Variants in SMS observed in about 807,000 individuals in gnomAD.
SMS encodes the protein spermidine aminopropyltransferase.
A neutral mutation model predicts 33.0 loss-of-function variants in SMS; 3 were observed. The observed-to-expected ratio is 0.09, with a 90% CI of 0.04 to 0.23. SMS has a LOEUF of 0.23. Ranked by LOEUF, SMS falls within the 10% of genes least tolerant of loss-of-function variation. SMS has a pLI of 1.00. For synonymous variants in SMS, 103 were observed against 112.2 expected, an observed-to-expected ratio of 0.92 and a Z score of 0.52; for missense variants, 117 against 288.6, an observed-to-expected ratio of 0.41 and a Z score of 4.31.
intron 1 of SMS, among the ~76,000 whole-genome samples, chrX:21,958,702 G>A (rs1392140856): frequency 8.9e-6 from 1 of 112,117 alleles, no homozygotes; most frequent in Non-Finnish European, 1.9e-5. Context: ...TTGAGGTAAA[G>A]TTTTGCTCTT....
intron 1 of SMS, among the ~76,000 whole-genome samples, chrX:21,952,324 G>A (rs1922657718): frequency 1.8e-5 from 2 of 110,821 alleles, no homozygotes; most frequent in South Asian, 3.7e-4. Context: ...TCTTGAATGA[G>A]TGTTGGATTT....
intron 9 of SMS, among the ~76,000 whole-genome samples, 160 bp downstream of exon 9, chrX:21,985,383 T>TGGGAATTAAA (rs1333018439): frequency 8.9e-6 from 1 of 112,138 alleles, no homozygotes. Flanking sequence ...TGTTGTCTGT[T>TGGGAATTAAA]GGGAATTAAT....
intron 1 of SMS, among the ~76,000 whole-genome samples, chrX:21,959,463 G>A (rs1342959044): frequency 1.8e-5 from 2 of 111,488 alleles, no homozygotes; most frequent in Admixed American, 9.5e-5. Context: ...GAGGGATGCC[G>A]CGCTCTTTGT....
chrX:21,952,904 G>A (rs1922714575), intron 1 of SMS, among the ~76,000 whole-genome samples: 1 of 102,137 alleles, frequency 9.8e-6, no homozygotes, highest in Non-Finnish European at 2.0e-5. Flanking sequence ...GACTACAACA[G>A]GTACGCACCA....
chrX:21,977,393 T>C (rs1184815376), intron 5 of SMS, among the ~76,000 whole-genome samples, 157 bp downstream of exon 5: 1 of 112,381 alleles, frequency 8.9e-6, no homozygotes, highest in Non-Finnish European at 1.9e-5. Context: ...AACCTGTGGA[T>C]TGTCTGGGCT....
rs529436946 is a variant in SMS, at chrX:21,985,335, G to T, written c.945+112G>T. 194 of 495,278 alleles carry T rather than the reference G, an allele frequency of 3.9e-4. 1 individual carries two copies. The South Asian group carries it at 4.8e-3, about 12-fold the overall frequency. The allele number at this position is 495,278 out of a possible 1,213,427, so 40.8% of individuals were successfully genotyped here. On this transcript the variant is annotated intron_variant, in intron 9 of 10. Coordinates refer to ENST00000404933, the MANE Select transcript of SMS (RefSeq NM_004595.5). ...TATTAAGGATAGAGCGGCATCATCG[G>T]ATTATGTTCTTTCAAACAGTAAGCT...
rs187153309 is a variant in SMS at position 21,984,124 on chromosome X, A to T, written c.751-180A>T. ...GGCATATAAAGCATATATGGTAAGC[A>T]CTTAATTTTTGCTGTTAACAGACAT... is the stretch of plus-strand genomic sequence containing the variant. On this transcript the variant is annotated intron_variant, in intron 7 of 10. Transcript: ENST00000404933. 6.2e-5 allele frequency among the ~76,000 whole-genome samples: 7 copies of T among 112,046 alleles called. No individual in the cohort carries two copies. In the East Asian group the frequency reaches 2.0e-3, roughly 32 times the overall value.
At position 21,994,534 on chromosome X, in the gene SMS, T is replaced by C; in HGVS notation, c.*183T>C. The stretch of plus-strand genomic sequence containing the variant: ...TATATTTTGATGAGCTTAGGGTGTT[T>C]TTTTTTTGAAAGTCAGCTGAAGGAT... On this transcript the variant is annotated 3_prime_UTR_variant, in exon 11 of 11. Transcript: ENST00000404933. 1 of 1,053,180 alleles carries C rather than the reference T, an allele frequency of 9.5e-7. No homozygotes were observed. The highest frequency in any genetic ancestry group is 4.1e-5 in the Admixed American group (1 of 24,453). 86.8% of individuals were successfully genotyped at this position (1,053,180 alleles called of 1,213,427 possible). A position where few individuals can be genotyped will look rare whatever the true frequency, so the allele number is the denominator to read the frequency against.
intron 6 of SMS, among the ~76,000 whole-genome samples, chrX:21,978,637 G>A (rs778049633): frequency 8.9e-6 from 1 of 112,260 alleles, no homozygotes; most frequent in Non-Finnish European, 1.9e-5. Context: ...TACTGTGTCT[G>A]CTGCCTAGCA....
intron 1 of SMS, among the ~76,000 whole-genome samples, chrX:21,944,424 G>C (rs1319479275): frequency 1.9e-5 from 2 of 105,684 alleles, no homozygotes; most frequent in South Asian, 4.1e-4. Flanking sequence ...GGCCCGGCGC[G>C]ATGCCGCATG....
chrX:21,956,004 CTG>C (rs1177473884), intron 1 of SMS, among the ~76,000 whole-genome samples: 1 of 112,218 alleles, frequency 8.9e-6, no homozygotes, highest in Admixed American at 9.4e-5. Context: ...GTCCCAGTGT[CTG>C]TGGGAAATGC....
chrX:21,985,104 C>A (rs767827390), intron 8 of SMS, 40 bp from the exon 9 acceptor site: 5 of 889,101 alleles, frequency 5.6e-6, no homozygotes, highest in East Asian at 3.1e-5. Context: ...TGGATACATA[C>A]AAACCCATAT....
At chrX:21,980,076 A>C (rs1187785342) in intron 7 of SMS, among the ~76,000 whole-genome samples, 2 of 111,008 alleles carry the variant, frequency 1.8e-5, no homozygotes, top group Non-Finnish European at 3.8e-5. Context: ...AATAAGCTAA[A>C]TCTGGCAAAT....
intron 9 of SMS, 55 bp from the exon 10 acceptor site, chrX:21,992,542 G>GT (rs1925823124): frequency 8.5e-6 from 6 of 707,924 alleles, no homozygotes; most frequent in Admixed American, 2.2e-5. Context: ...CTTCAGATGA[G>GT]TGGGGCCCTT....
chrX:21,981,166 C>A (rs758757892), intron 7 of SMS, among the ~76,000 whole-genome samples: 1 of 110,513 alleles, frequency 9.0e-6, no homozygotes, highest in South Asian at 3.9e-4. Flanking sequence ...ACTAAAAATA[C>A]AAAAATTAGC....
intron 2 of SMS, among the ~76,000 whole-genome samples, chrX:21,969,155 T>C (rs1923946346): frequency 9.0e-6 from 1 of 111,334 alleles, no homozygotes; most frequent in South Asian, 3.8e-4. Context: ...TCCACTATTC[T>C]CTCTATAAGT....
chrX:21,943,002 G>A (rs1921932128), intron 1 of SMS, among the ~76,000 whole-genome samples: 2 of 109,562 alleles, frequency 1.8e-5, no homozygotes, highest in South Asian at 7.8e-4. Context: ...ACCACGCCCA[G>A]CTAATTTTTT....
At chrX:21,959,502 G>C (rs980298735) in intron 1 of SMS, among the ~76,000 whole-genome samples, 1 of 111,796 alleles carries the variant, frequency 8.9e-6, no homozygotes, top group Non-Finnish European at 1.9e-5. Flanking sequence ...TATGCCAGTG[G>C]TGTTGGTGAC....
At chrX:21,973,823 T>C (rs761717237) in intron 4 of SMS, among the ~76,000 whole-genome samples, 3 of 113,391 alleles carry the variant, frequency 2.6e-5, no homozygotes, top group Non-Finnish European at 5.6e-5. Context: ...ACGGAACATT[T>C]TCATCATCCA....
Sources: gnomAD v4.1 joint callset for allele counts (sites outside exome capture counted in the v4.1 genomes callset) on GRCh38, gnomAD v4.1.1 for gene constraint, MANE v1.5 for transcripts, NCBI Gene and HGNC (gene_info 2026-07-23, HGNC 2026-07-21) for gene names.